Variants in CEP104 observed in about 807,000 individuals in gnomAD.
CEP104 encodes the protein centrosomal protein 104, also known as centrosomal protein of 104 kDa.
CEP104 carries 84 observed loss-of-function variants against 113.3 expected under a neutral mutation model. The observed-to-expected ratio is 0.74, with a 90% confidence interval of 0.62 to 0.89. The LOEUF is 0.89. Ranked by LOEUF, CEP104 falls within the 40% of genes least tolerant of loss-of-function variation. The pLI is 0.00. For synonymous variants in CEP104, 378 were observed against 421.7 expected (o/e 0.90, Z 1.27); for missense variants, 1,053 against 1,156.6 (o/e 0.91, Z 1.30).
chr1:3,848,583 G>A, intron 3 of CEP104, 25 bp downstream of exon 3: 2 of 1,528,496 alleles, frequency 1.3e-6, no homozygotes, highest in Non-Finnish European at 1.8e-6. Context: ...AAGCTGCCAT[G>A]ATACATTTTA....
intron 9 of CEP104, 83 bp downstream of exon 9, chr1:3,837,209 C>A (rs1644330774): frequency 2.6e-6 from 3 of 1,165,820 alleles, no homozygotes; most frequent in Non-Finnish European, 3.7e-6. Context: ...GCACCCCATG[C>A]ATGGGAACAG....
At chr1:3,845,864 G>T (rs1016321209) in intron 4 of CEP104, among the ~76,000 whole-genome samples, 4 of 152,110 alleles carry the variant, frequency 2.6e-5, no homozygotes, top group Non-Finnish European at 4.4e-5. Flanking sequence ...AAGGTGGAAG[G>T]ATCACCTGAA....
Position 3,838,975 on chromosome 1 carries a change from C to T in CEP104, c.880G>A (p.Asp294Asn), listed in dbSNP as rs1324123964. Residue 294 changes from aspartate (D) to asparagine (N), a missense_variant, in exon 8 of 22, where the codon GAT (aspartate) becomes AAT (asparagine). By Grantham distance (23) the Asp-to-Asn change is conservative (BLOSUM62 1). Transcript: ENST00000378230. The stretch of plus-strand genomic sequence containing the variant: ...GCTCCTGCACCCACCAGCTCGGCAT[C>T]CAGGAGGCTGTGCAGCTCCAGCTGC... ...YEQLELHSLL[D>N]AELMRRPFDL... The T allele has an allele frequency of 1.9e-6, 3 of 1,614,130 alleles. No individual in the cohort carries two copies. Among genetic ancestry groups the T allele is most frequent in the Middle Eastern group, 1.6e-4 (1 of 6,062 alleles).
In CEP104 at chr1:3,838,986, T is replaced by A. The variant is rs756229248; in HGVS notation, c.869A>T (p.His290Leu). The A allele has an allele frequency of 1.7e-5, 27 of 1,614,174 alleles. No individual in the cohort carries two copies. Among genetic ancestry groups the A allele is most frequent in the Non-Finnish European group, 2.2e-5 (26 of 1,180,028 alleles). Reference protein sequence around the residue: ...RAEVYEQLELHSLLDAELMRR... With the variant: ...RAEVYEQLELLSLLDAELMRR... ...CACCAGCTCGGCATCCAGGAGGCTG[T>A]GCAGCTCCAGCTGCTCGTACACCTC... is the stretch of plus-strand genomic sequence containing the variant. Residue 290 changes from histidine to leucine, a missense_variant, in exon 8 of 22, where the codon CAC (histidine) becomes CTC (leucine). Physicochemically the swap from His to Leu is moderately conservative, Grantham distance 99. Transcript: ENST00000378230.
At chr1:3,852,547 T>A (rs1644633496) in intron 1 of CEP104, 126 bp from the exon 2 acceptor site, 2 of 859,728 alleles carry the variant, frequency 2.3e-6, no homozygotes, top group Non-Finnish European at 3.4e-6. Flanking sequence ...AATTTTCCCA[T>A]CTCTTTGAAA....
At chr1:3,851,161 G>A (rs1186899674) in intron 2 of CEP104, among the ~76,000 whole-genome samples, 1 of 152,082 alleles carries the variant, frequency 6.6e-6, no homozygotes, top group Non-Finnish European at 1.5e-5. Context: ...ACGCTGGCTC[G>A]CCTGCAATCC....
At chr1:3,839,431 C>T (rs1394124628) in intron 7 of CEP104, among the ~76,000 whole-genome samples, 177 bp downstream of exon 7, 1 of 152,186 alleles carries the variant, frequency 6.6e-6, no homozygotes, top group Non-Finnish European at 1.5e-5. Flanking sequence ...GCTTCTGCTT[C>T]CATTTACATT....
chr1:3,843,650 C>A (rs1464019088), intron 6 of CEP104, among the ~76,000 whole-genome samples: 1 of 151,968 alleles, frequency 6.6e-6, no homozygotes, highest in African/African-American at 2.4e-5. Context: ...CCACACCCAG[C>A]CTACAATTGT....
At position 3,815,066 on chromosome 1, in the gene CEP104, C is replaced by T. The variant is rs548461054; in HGVS notation, c.*336G>A. 3.3e-5 allele frequency: 9 copies of T among 275,288 alleles called. No homozygotes were observed. In the South Asian group the frequency reaches 3.5e-4, roughly 11 times the overall value. 17.1% of individuals were successfully genotyped at this position (275,288 alleles called of 1,614,324 possible). A position where few individuals can be genotyped will look rare whatever the true frequency, so the allele number is the denominator to read the frequency against. Reference sequence around the variant, plus strand: ...GAAAGCGGGACCGTGCCTGTGCTGACCGTGGCCTTGCGCGAGCGCCTCCCG... The same window carrying T: ...GAAAGCGGGACCGTGCCTGTGCTGATCGTGGCCTTGCGCGAGCGCCTCCCG... On this transcript the variant is annotated 3_prime_UTR_variant, in exon 22 of 22. Coordinates refer to ENST00000378230, the MANE Select transcript of CEP104 (RefSeq NM_014704.4).
chr1:3,818,072 G>A (rs190546549), intron 20 of CEP104, among the ~76,000 whole-genome samples: 13 of 152,192 alleles, frequency 8.5e-5, no homozygotes, highest in African/African-American at 2.7e-4. Context: ...AGGCGGCTGC[G>A]ATCAGCTGAA....
chr1:3,834,460 C>T (rs1644273753), intron 11 of CEP104, among the ~76,000 whole-genome samples: 1 of 152,094 alleles, frequency 6.6e-6, no homozygotes. Context: ...AATGGGTAAG[C>T]CCAAATCTTC....
At chr1:3,841,833 T>C (rs942670953) in intron 6 of CEP104, among the ~76,000 whole-genome samples, 1 of 152,238 alleles carries the variant, frequency 6.6e-6, no homozygotes, top group Non-Finnish European at 1.5e-5. Flanking sequence ...AGAAGCTTTA[T>C]TGGAGATACT....
In CEP104 at chr1:3,826,749, G is replaced by C; in HGVS notation, c.2152-5C>G. 1 of 1,614,022 alleles carries C rather than the reference G, an allele frequency of 6.2e-7. No individual in the cohort carries two copies. Among genetic ancestry groups the C allele is most frequent in the Non-Finnish European group, 8.5e-7 (1 of 1,179,892 alleles). On this transcript the variant is annotated splice_region_variant and splice_polypyrimidine_tract_variant and intron_variant, in intron 15 of 21. Coordinates refer to ENST00000378230, the MANE Select transcript of CEP104 (RefSeq NM_014704.4). The stretch of plus-strand genomic sequence containing the variant: ...CACAGCATCACTTTCTTTTTCCTAA[G>C]ACACAGAAACAGTGAGGTCAGGGGC...
chr1:3,815,560 ACCC>A, intron 21 of CEP104, 43 bp from the exon 22 acceptor site: 4 of 1,393,164 alleles, frequency 2.9e-6, no homozygotes, highest in Non-Finnish European at 3.9e-6. Flanking sequence ...GGGCACTCCT[ACCC>A]ACGGACCAGG....
chr1:3,832,179 C>T (rs1001794773), intron 12 of CEP104, among the ~76,000 whole-genome samples: 3 of 152,218 alleles, frequency 2.0e-5, no homozygotes, highest in Non-Finnish European at 2.9e-5. Flanking sequence ...GAAAGATGAA[C>T]CCTCCTCACC....
intron 6 of CEP104, among the ~76,000 whole-genome samples, chr1:3,841,117 C>T (rs1225322000): frequency 6.6e-6 from 1 of 152,222 alleles, no homozygotes; most frequent in Non-Finnish European, 1.5e-5. Context: ...AGTGTCCCAG[C>T]TGCTGTATCA....
In CEP104 at chr1:3,856,884, G is replaced by T; in HGVS notation, c.-15+5C>A. On this transcript the variant is annotated splice_donor_5th_base_variant and intron_variant, in intron 1 of 21. Coordinates refer to ENST00000378230, the MANE Select transcript of CEP104 (RefSeq NM_014704.4). ...GGGCCGGCGCCGCAGCGGCCCGGAA[G>T]GTACCTGCTTAGAGGGAAGGGCCCC... The T allele has an allele frequency of 6.6e-6, 1 of 151,718 alleles. No individual in the cohort carries two copies. Among genetic ancestry groups the T allele is most frequent in the South Asian group, 2.0e-4 (1 of 4,924 alleles). 9.4% of individuals were successfully genotyped at this position (151,718 alleles called of 1,614,324 possible). A position where few individuals can be genotyped will look rare whatever the true frequency, so the allele number is the denominator to read the frequency against.
In CEP104 at chr1:3,839,654, T is replaced by C; in HGVS notation, c.689A>G (p.Tyr230Cys). The change falls in exon 7 of 22, where the codon TAT becomes TGT. Residue 230 changes from tyrosine to cysteine, a missense_variant. By Grantham distance (194) the Tyr-to-Cys change is radical. Transcript: ENST00000378230. ...RKREAVQKER[Y>C]DYAKKLKQAI... ...TTGTTTTAGTTTCTTGGCATAATCA[T>C]AGCGTTCCTTTTGGACAGCTTCCCG... is the stretch of plus-strand genomic sequence containing the variant. 1.2e-6 allele frequency: 2 copies of C among 1,614,042 alleles called. No homozygotes were observed. Among genetic ancestry groups the C allele is most frequent in the Non-Finnish European group, 1.7e-6 (2 of 1,179,966 alleles).
At chr1:3,842,487 G>C (rs1644431324) in intron 6 of CEP104, among the ~76,000 whole-genome samples, 1 of 152,208 alleles carries the variant, frequency 6.6e-6, no homozygotes, top group Non-Finnish European at 1.5e-5. Context: ...CTGTGGGGAG[G>C]CGGTGTAGCC....
Sources: gnomAD v4.1 joint callset for allele counts (sites outside exome capture counted in the v4.1 genomes callset) on GRCh38, gnomAD v4.1.1 for gene constraint, MANE v1.5 for transcripts, NCBI Gene and HGNC (gene_info 2026-07-23, HGNC 2026-07-21) for gene names.